Variants in CFAP210 observed in about 807,000 individuals in gnomAD.
CFAP210 encodes the protein cilia- and flagella- associated protein 210.
chr2:169,691,914 C>A, the CFAP210 span, among the ~76,000 whole-genome samples: 1 of 152,162 alleles, frequency 6.6e-6, no homozygotes, highest in Admixed American at 6.5e-5. Flanking sequence ...ACAGACATAT[C>A]TTTGGATGAC....
chr2:169,694,245 G>C, the CFAP210 span: 4 of 1,613,674 alleles, frequency 2.5e-6, no homozygotes, highest in East Asian at 4.5e-5. Context: ...TCCCTGGATA[G>C]GTCAGTTTAG....
chr2:169,679,041 G>A, the CFAP210 span, among the ~76,000 whole-genome samples: 1 of 151,980 alleles, frequency 6.6e-6, no homozygotes, highest in Admixed American at 6.6e-5. Context: ...ATATATATAC[G>A]CAAGTGGATT....
the CFAP210 span, among the ~76,000 whole-genome samples, chr2:169,687,570 G>C: frequency 6.6e-6 from 1 of 152,178 alleles, no homozygotes; most frequent in Non-Finnish European, 1.5e-5. Flanking sequence ...TCACATTCAG[G>C]TCATGCTGAT....
At chr2:169,685,548 G>A in the CFAP210 span, among the ~76,000 whole-genome samples, 1 of 152,036 alleles carries the variant, frequency 6.6e-6, no homozygotes, top group Admixed American at 6.5e-5. Flanking sequence ...CTCCCATTCG[G>A]TGGATGTATT....
the CFAP210 span, among the ~76,000 whole-genome samples, chr2:169,668,406 G>A: frequency 9.2e-5 from 14 of 152,160 alleles, no homozygotes; most frequent in African/African-American, 3.4e-4. Context: ...TCATTTGTTT[G>A]TTCACTAGAG....
chr2:169,694,315 A>G, the CFAP210 span: 1 of 1,614,014 alleles, frequency 6.2e-7, no homozygotes, highest in Non-Finnish European at 8.5e-7. Context: ...AGCATCTCTG[A>G]CGAGGTGTCC....
the CFAP210 span, among the ~76,000 whole-genome samples, chr2:169,651,291 A>AG: frequency 6.6e-6 from 1 of 151,136 alleles, no homozygotes; most frequent in Admixed American, 6.6e-5. Context: ...GCTACTCAGG[A>AG]GGCTGAGGCA....
At chr2:169,647,920 C>T in the CFAP210 span, among the ~76,000 whole-genome samples, 1 of 151,906 alleles carries the variant, frequency 6.6e-6, no homozygotes, top group Non-Finnish European at 1.5e-5. Flanking sequence ...TTTGGGAGGC[C>T]GAAGCCAAGG....
chr2:169,654,105 ATTTGTATAAGACGC>A, the CFAP210 span: 1 of 1,610,048 alleles, frequency 6.2e-7, no homozygotes, highest in Non-Finnish European at 8.5e-7. Flanking sequence ...TTCTTTCCCC[ATTTGTATAAGACGC>A]TTTTTTGCTT....
the CFAP210 span, among the ~76,000 whole-genome samples, chr2:169,647,822 G>A: frequency 0.45 from 68,913 of 151,912 alleles, 16,462 homozygotes; most frequent in African/African-American, 0.59. Flanking sequence ...AATACACAGA[G>A]TATTTTTAAA....
chr2:169,684,935 T>A, the CFAP210 span, among the ~76,000 whole-genome samples: 2 of 152,284 alleles, frequency 1.3e-5, no homozygotes, highest in East Asian at 3.9e-4. Flanking sequence ...AGATTACAGG[T>A]GTGAGCAACC....
the CFAP210 span, among the ~76,000 whole-genome samples, chr2:169,686,527 G>C: frequency 6.6e-6 from 1 of 152,202 alleles, no homozygotes; most frequent in African/African-American, 2.4e-5. Flanking sequence ...TGCATTTGGT[G>C]AGGGCTTTCT....
chr2:169,684,527 G>A, the CFAP210 span, among the ~76,000 whole-genome samples: 3 of 152,166 alleles, frequency 2.0e-5, no homozygotes, highest in African/African-American at 7.2e-5. Flanking sequence ...TTGCCCATTG[G>A]AGACATTTCA....
At chr2:169,681,194 G>A in the CFAP210 span, 2 of 1,613,434 alleles carry the variant, frequency 1.2e-6, no homozygotes, top group Non-Finnish European at 1.7e-6. Flanking sequence ...AGGTAGAAGA[G>A]GCAGATAGAG....
the CFAP210 span, chr2:169,674,534 G>T: frequency 6.8e-7 from 1 of 1,460,886 alleles, no homozygotes; most frequent in African/African-American, 1.5e-5. Flanking sequence ...TCCATTATGA[G>T]AAAACGAGAA....
At chr2:169,676,306 T>A in the CFAP210 span, among the ~76,000 whole-genome samples, 76 of 152,080 alleles carry the variant, frequency 5.0e-4, no homozygotes, top group Middle Eastern at 3.4e-3. Context: ...AATCATCATT[T>A]ATTATTCATC....
chr2:169,680,368 C>T, the CFAP210 span, among the ~76,000 whole-genome samples: 1 of 152,204 alleles, frequency 6.6e-6, no homozygotes, highest in African/African-American at 2.4e-5. Flanking sequence ...GTTAAATATA[C>T]ACCTATCATA....
the CFAP210 span, among the ~76,000 whole-genome samples, chr2:169,693,133 T>C: frequency 6.6e-6 from 1 of 152,228 alleles, no homozygotes; most frequent in African/African-American, 2.4e-5. Context: ...GCTGATGTCA[T>C]CCCACTAAAT....
chr2:169,654,659 C>T, the CFAP210 span, among the ~76,000 whole-genome samples: 1 of 151,756 alleles, frequency 6.6e-6, no homozygotes, highest in Non-Finnish European at 1.5e-5. Flanking sequence ...AGTAGTTATC[C>T]CTGGGGTATG....
Sources: allele counts gnomAD v4.1 joint callset (sites outside exome capture counted in the v4.1 genomes callset), GRCh38; gene constraint gnomAD v4.1.1; transcripts MANE v1.5; gene names NCBI Gene and HGNC (gene_info 2026-07-23, HGNC 2026-07-21).